The following RTTN variants were observed in gnomAD, a reference collection of about 807,000 sequenced individuals.
RTTN encodes the protein rotatin.
Under a neutral mutation model 269.2 loss-of-function variants are expected in RTTN, and 182 were observed. The observed-to-expected ratio is 0.68, with a 90% CI of 0.60 to 0.76. The LOEUF is 0.76. RTTN is among the 30% of genes least tolerant of loss of function. The probability of loss-of-function intolerance (pLI) is 0.00; values close to 1 mark genes in which losing one functional copy is unlikely to be tolerated. For synonymous variants in RTTN, 1,006 were observed against 963.5 expected, an observed-to-expected ratio of 1.04 and a Z score of -0.82; for missense variants, 2,545 against 2,608.6, an observed-to-expected ratio of 0.98 and a Z score of 0.53.
intron 34 of RTTN, among the ~76,000 whole-genome samples, chr18:70,073,443 T>C (rs1366841670): frequency 6.6e-6 from 1 of 152,180 alleles, no homozygotes; most frequent in Non-Finnish European, 1.5e-5. Flanking sequence ...GTTCTTCATA[T>C]TGCCCTGCCC....
intron 21 of RTTN, among the ~76,000 whole-genome samples, chr18:70,135,579 T>A (rs905308391): frequency 6.6e-6 from 1 of 152,160 alleles, no homozygotes; most frequent in South Asian, 2.1e-4. Flanking sequence ...ATACACTCAC[T>A]AGACACTGTC....
At chr18:70,113,567 C>T (rs1340277192) in intron 27 of RTTN, among the ~76,000 whole-genome samples, 1 of 152,116 alleles carries the variant, frequency 6.6e-6, no homozygotes, top group African/African-American at 2.4e-5. Context: ...AGAACTGAAA[C>T]ACATGTCCAC....
chr18:70,029,391 T>C (rs2056948737), intron 42 of RTTN, among the ~76,000 whole-genome samples: 1 of 152,214 alleles, frequency 6.6e-6, no homozygotes, highest in South Asian at 2.1e-4. Flanking sequence ...TTAACCACAG[T>C]AGTTATTATA....
intron 27 of RTTN, among the ~76,000 whole-genome samples, chr18:70,114,209 CTG>C (rs2059546447): frequency 6.6e-6 from 1 of 151,970 alleles, no homozygotes; most frequent in African/African-American, 2.4e-5. Context: ...GAGAACAAAA[CTG>C]TGTGTGTGCA....
intron 35 of RTTN, among the ~76,000 whole-genome samples, chr18:70,063,965 C>T (rs376370077): frequency 2.0e-4 from 26 of 131,174 alleles, no homozygotes; most frequent in African/African-American, 2.6e-4. Context: ...CTTTTATATG[C>T]TTTTTTTTTT....
At chr18:70,141,470 G>T (rs1330832215) in intron 19 of RTTN, among the ~76,000 whole-genome samples, 1 of 152,134 alleles carries the variant, frequency 6.6e-6, no homozygotes, top group Non-Finnish European at 1.5e-5. Flanking sequence ...CACATCCTTT[G>T]CAGGGACATG....
intron 28 of RTTN, among the ~76,000 whole-genome samples, chr18:70,102,439 T>C (rs2059195163): frequency 6.6e-6 from 1 of 152,158 alleles, no homozygotes; most frequent in Non-Finnish European, 1.5e-5. Context: ...TCTTCCTCCA[T>C]CCCTTTATTT....
chr18:70,017,373 A>G, intron 46 of RTTN, 34 bp downstream of exon 46: 1 of 1,585,044 alleles, frequency 6.3e-7, no homozygotes, highest in South Asian at 1.1e-5. Context: ...ATGAATAACT[A>G]CATATATAAA....
chr18:70,090,539 G>T (rs1268264464), intron 30 of RTTN, among the ~76,000 whole-genome samples: 2 of 152,064 alleles, frequency 1.3e-5, no homozygotes, highest in Non-Finnish European at 2.9e-5. Flanking sequence ...TGTGAGGGAG[G>T]GTTTGGCTAC....
chr18:70,049,120 T>C (rs1473514219), intron 39 of RTTN, among the ~76,000 whole-genome samples: 1 of 152,198 alleles, frequency 6.6e-6, no homozygotes, highest in Admixed American at 6.5e-5. Flanking sequence ...AAGGTCCAAG[T>C]AGTAAGTATT....
chr18:70,066,506 C>G (rs1206317869), intron 34 of RTTN, among the ~76,000 whole-genome samples: 1 of 152,054 alleles, frequency 6.6e-6, no homozygotes, highest in Non-Finnish European at 1.5e-5. Context: ...ATGAGCAGAC[C>G]GACCTTCTAA....
At chr18:70,163,509 T>G (rs182969409) in intron 14 of RTTN, among the ~76,000 whole-genome samples, 134 of 152,180 alleles carry the variant, frequency 8.8e-4, no homozygotes, top group African/African-American at 2.4e-3. Flanking sequence ...CCTCAAAAAT[T>G]AAACACAGAA....
At chr18:70,096,591 C>T (rs1002963225) in intron 28 of RTTN, among the ~76,000 whole-genome samples, 1 of 152,222 alleles carries the variant, frequency 6.6e-6, no homozygotes, top group Non-Finnish European at 1.5e-5. Flanking sequence ...TGGAGGTCCA[C>T]TCCAGACCCT....
chr18:70,007,444 G>T (rs931313246), intron 46 of RTTN: 3 of 152,294 alleles, frequency 2.0e-5, no homozygotes, highest in African/African-American at 7.2e-5. Flanking sequence ...TGAAGCCAGG[G>T]TGCCAAGTGG....
At chr18:70,021,913 C>G (rs1167095631) in intron 44 of RTTN, among the ~76,000 whole-genome samples, 2 of 152,130 alleles carry the variant, frequency 1.3e-5, no homozygotes, top group African/African-American at 2.4e-5. Context: ...AGTCCCTTCT[C>G]TGTATAACCT....
rs200315224 is a variant in RTTN, at chr18:70,205,593, G to C, written c.31+35C>G. The C allele has an allele frequency of 5.3e-5, 85 of 1,613,726 alleles. 1 individual carries two copies. The African/African-American group carries it at 9.7e-4, about 18-fold the overall frequency. ...TTCTCAGCAAGTGGCCAGAGCGCGGGGGGTGCCTTGGGCGAGGGGCAAGCT... is the reference window on the plus strand; with the variant it reads ...TTCTCAGCAAGTGGCCAGAGCGCGGCGGGTGCCTTGGGCGAGGGGCAAGCT... On this transcript the variant is annotated intron_variant, in intron 1 of 48. Coordinates refer to ENST00000640769, the MANE Select transcript of RTTN (RefSeq NM_173630.4).
intron 21 of RTTN, among the ~76,000 whole-genome samples, chr18:70,136,119 A>C (rs2145683837): frequency 6.6e-6 from 1 of 152,326 alleles, no homozygotes; most frequent in Middle Eastern, 3.4e-3. Flanking sequence ...AAATAGCCAT[A>C]AACCAAAAAG....
chr18:70,017,393 G>A lies in RTTN; in HGVS notation c.6421+14C>T. 1.9e-6 allele frequency: 3 copies of A among 1,608,762 alleles called. No individual in the cohort carries two copies. Among genetic ancestry groups the A allele is most frequent in the Non-Finnish European group, 2.6e-6 (3 of 1,175,784 alleles). On this transcript the variant is annotated intron_variant, in intron 46 of 48. Coordinates refer to ENST00000640769, the MANE Select transcript of RTTN (RefSeq NM_173630.4). ...TAACTACATATATAAATGTATGTGT[G>A]TGTGAAAACTTACCATTAGCCAGGA...
At chr18:70,201,582 T>G (rs2061949283) in intron 4 of RTTN, among the ~76,000 whole-genome samples, 1 of 106,076 alleles carries the variant, frequency 9.4e-6, no homozygotes, top group Non-Finnish European at 1.7e-5. Context: ...CACTCCAGCC[T>G]GGGCGACAGA....
Sources: allele counts gnomAD v4.1 joint callset (sites outside exome capture counted in the v4.1 genomes callset), GRCh38; gene constraint gnomAD v4.1.1; transcripts MANE v1.5; gene names NCBI Gene and HGNC (gene_info 2026-07-23, HGNC 2026-07-21).